The following FBXL4 variants were observed in gnomAD, a reference collection of about 807,000 sequenced individuals.
FBXL4 encodes F-box/LRR-repeat protein 4.
In FBXL4, 40 loss-of-function variants were observed where a neutral mutation model predicts 58.9. That is an observed-to-expected ratio of 0.68 (90% CI 0.53 to 0.88). The LOEUF (loss-of-function observed/expected upper bound fraction) is 0.88. Ranked by LOEUF, FBXL4 falls within the 40% of genes least tolerant of loss-of-function variation. The pLI is 0.00. For synonymous variants in FBXL4, 263 were observed against 265.5 expected (o/e 0.99, Z 0.09); for missense variants, 676 against 734.4 (o/e 0.92, Z 0.92).
At chr6:98,914,855 A>G (rs1241847161) in intron 5 of FBXL4, among the ~76,000 whole-genome samples, 2 of 152,208 alleles carry the variant, frequency 1.3e-5, no homozygotes, top group African/African-American at 2.4e-5. Flanking sequence ...AGGGTATTCA[A>G]TTAGGAAAAG....
chr6:98,933,404 C>A (rs1773087342), intron 2 of FBXL4, among the ~76,000 whole-genome samples: 1 of 152,074 alleles, frequency 6.6e-6, no homozygotes, highest in South Asian at 2.1e-4. Flanking sequence ...CTTTCATGTC[C>A]ACACCCACTA....
intron 2 of FBXL4, among the ~76,000 whole-genome samples, chr6:98,930,114 T>C (rs1439848495): frequency 6.6e-6 from 1 of 152,118 alleles, no homozygotes; most frequent in Non-Finnish European, 1.5e-5. Context: ...TGCATCACAG[T>C]AAAAAGTTAC....
rs1426254208 is a variant in FBXL4, at chr6:98,947,891, C to CGACTCTCTA, written c.-403_-395dup. On this transcript the variant is annotated 5_prime_UTR_variant, in exon 1 of 10. Transcript: ENST00000369244. ...AGGCCTGGGTGCGGGGGCGGCTCCC[C>CGACTCTCTA]GACTCTCTAGATGCGGCACAACCGC... is the stretch of plus-strand genomic sequence containing the variant. 6.6e-6 allele frequency: 1 copy of CGACTCTCTA among 151,794 alleles called. No homozygotes were observed. The highest frequency in any genetic ancestry group is 6.6e-5 in the Admixed American group (1 of 15,240). The allele number at this position is 151,794 out of a possible 1,614,324, so 9.4% of individuals were successfully genotyped here. A position where few individuals can be genotyped will look rare whatever the true frequency, so the allele number is the denominator to read the frequency against.
At chr6:98,902,565 C>A (rs186158502) in intron 6 of FBXL4, among the ~76,000 whole-genome samples, 8 of 151,986 alleles carry the variant, frequency 5.3e-5, no homozygotes, top group Non-Finnish European at 1.0e-4. Context: ...GAATCTAGAA[C>A]GCATCCAAGA....
intron 9 of FBXL4, 114 bp from the exon 10 acceptor site, chr6:98,874,555 C>T (rs1332734697): frequency 8.9e-7 from 1 of 1,122,404 alleles, no homozygotes; most frequent in Non-Finnish European, 1.2e-6. Context: ...CTTAAAATAA[C>T]CCTTTACAAA....
chr6:98,923,883 CAATG>C (rs548993473), intron 4 of FBXL4, among the ~76,000 whole-genome samples: 96 of 151,678 alleles, frequency 6.3e-4, no homozygotes, highest in Non-Finnish European at 1.3e-3. Context: ...TATTTTTAAA[CAATG>C]AAACATCTAT....
intron 4 of FBXL4, among the ~76,000 whole-genome samples, chr6:98,920,656 T>G (rs1772544548): frequency 1.3e-5 from 2 of 152,196 alleles, no homozygotes; most frequent in African/African-American, 4.8e-5. Context: ...CTAAAATGTA[T>G]CATTTCTAAG....
At chr6:98,891,114 A>G (rs3819754) in intron 7 of FBXL4, among the ~76,000 whole-genome samples, 1 of 152,246 alleles carries the variant, frequency 6.6e-6, no homozygotes, top group Non-Finnish European at 1.5e-5. Flanking sequence ...TATAGATTAT[A>G]TACTGATACA....
rs1174995760 is a variant in FBXL4 at position 98,869,251 on chromosome 6, A to T, written c.*5027T>A. 1 of 151,800 alleles carries T rather than the reference A, an allele frequency of 6.6e-6. No homozygotes were observed. The highest frequency in any genetic ancestry group is 2.0e-4 in the East Asian group (1 of 4,990). The allele number at this position is 151,800 out of a possible 1,614,324, so 9.4% of individuals were successfully genotyped here. A position where few individuals can be genotyped will look rare whatever the true frequency, so the allele number is the denominator to read the frequency against. ...GTAGATGCAGCACTGATGTGTCAAA[A>T]ATGACTTTGAAAATGTAAATTCCTG... On this transcript the variant is annotated 3_prime_UTR_variant, in exon 10 of 10. Coordinates refer to ENST00000369244, the MANE Select transcript of FBXL4 (RefSeq NM_001278716.2).
chr6:98,899,807 CA>C (rs201704637), intron 6 of FBXL4, among the ~76,000 whole-genome samples: 2 of 150,044 alleles, frequency 1.3e-5, no homozygotes, highest in Admixed American at 6.6e-5. Context: ...AAAACAAAAA[CA>C]AAAAAAAACA....
intron 6 of FBXL4, 77 bp from the exon 7 acceptor site, chr6:98,899,558 C>CT: frequency 6.9e-7 from 1 of 1,443,272 alleles, no homozygotes; most frequent in South Asian, 1.4e-5. Flanking sequence ...TTTAGCAACT[C>CT]TAAGTAGATA....
rs144609792 is a variant in FBXL4, at chr6:98,881,251, A to G, written c.1318-627T>C. Among the ~76,000 whole-genome samples, 226 of 152,294 alleles carry G rather than the reference A, an allele frequency of 1.5e-3. 1 individual carries two copies. The highest frequency in any genetic ancestry group is 6.8e-3 in the Middle Eastern group (2 of 294). Reference sequence around the variant, plus strand: ...AGTCATGTTCCTGCCATTTAAGCCCATCTATCCTGTGCAATGAAAATGGTC... The same window carrying G: ...AGTCATGTTCCTGCCATTTAAGCCCGTCTATCCTGTGCAATGAAAATGGTC... On this transcript the variant is annotated intron_variant, in intron 7 of 9. Coordinates refer to ENST00000369244, the MANE Select transcript of FBXL4 (RefSeq NM_001278716.2).
intron 3 of FBXL4, 121 bp downstream of exon 3, chr6:98,927,584 G>A (rs1772839269): frequency 6.5e-6 from 1 of 153,040 alleles, no homozygotes; most frequent in African/African-American, 2.4e-5. Flanking sequence ...TACATTAACT[G>A]CCTTACACAT....
At chr6:98,938,037 C>T (rs950728164) in intron 1 of FBXL4, among the ~76,000 whole-genome samples, 13 of 129,284 alleles carry the variant, frequency 1.0e-4, no homozygotes, top group Admixed American at 4.3e-4. Context: ...CCTCCCCCTG[C>T]ACCCTTTTTT....
intron 2 of FBXL4, among the ~76,000 whole-genome samples, chr6:98,934,546 A>G (rs1773135379): frequency 6.6e-6 from 1 of 152,246 alleles, no homozygotes; most frequent in Admixed American, 6.5e-5. Flanking sequence ...TTTCTTCATC[A>G]TAATTATTGA....
chr6:98,917,777 T>A, intron 4 of FBXL4, 58 bp from the exon 5 acceptor site: 2 of 1,328,806 alleles, frequency 1.5e-6, no homozygotes, highest in Non-Finnish European at 2.1e-6. Flanking sequence ...ACTGGTCCCT[T>A]AAGGTTATAG....
chr6:98,899,768 A>G (rs1339114448), intron 6 of FBXL4, among the ~76,000 whole-genome samples: 2 of 152,180 alleles, frequency 1.3e-5, no homozygotes, highest in Non-Finnish European at 2.9e-5. Flanking sequence ...CCACTTACCT[A>G]TAATTCACAT....
At chr6:98,939,332 A>G (rs374157793) in intron 1 of FBXL4, among the ~76,000 whole-genome samples, 6 of 152,200 alleles carry the variant, frequency 3.9e-5, no homozygotes, top group African/African-American at 9.6e-5. Context: ...TTATCAAACC[A>G]TCCTTTGCTG....
At chr6:98,884,956 G>C (rs1360930565) in intron 7 of FBXL4, among the ~76,000 whole-genome samples, 1 of 152,194 alleles carries the variant, frequency 6.6e-6, no homozygotes, top group African/African-American at 2.4e-5. Flanking sequence ...CTTTGAGAGA[G>C]TGGGCTTAAC....
Sources: allele counts gnomAD v4.1 joint callset (sites outside exome capture counted in the v4.1 genomes callset), GRCh38; gene constraint gnomAD v4.1.1; transcripts MANE v1.5; gene names NCBI Gene and HGNC (gene_info 2026-07-23, HGNC 2026-07-21).